Variants in GPHN observed in about 807,000 individuals in gnomAD.
The protein encoded by GPHN is gephyrin.
A neutral mutation model predicts 95.5 loss-of-function variants in GPHN; 17 were observed. The ratio of observed to expected loss-of-function variants is 0.18; its 90% CI spans 0.12 to 0.27. GPHN has a LOEUF of 0.27. Among genes scored for constraint, GPHN ranks in the 10% least tolerant of loss-of-function variants. The pLI is 1.00. For missense variants in GPHN, 660 were observed against 978.1 expected, an observed-to-expected ratio of 0.67 and a Z score of 4.34; for synonymous variants, 320 against 322.5, an observed-to-expected ratio of 0.99 and a Z score of 0.08.
chr14:67,352,010 C>G, the GPHN span, among the ~76,000 whole-genome samples: 1 of 151,334 alleles, frequency 6.6e-6, no homozygotes, highest in African/African-American at 2.4e-5. Flanking sequence ...CAGGGCCAGG[C>G]ACAGTGGCTA....
the GPHN span, among the ~76,000 whole-genome samples, chr14:67,196,426 A>C: frequency 6.6e-6 from 1 of 151,354 alleles, no homozygotes; most frequent in Non-Finnish European, 1.5e-5. Context: ...GACGTTGGCC[A>C]GGCCAGGCTG....
At chr14:67,336,052 C>T in the GPHN span, 1 of 152,224 alleles carries the variant, frequency 6.6e-6, no homozygotes, top group African/African-American at 2.4e-5. Context: ...TAAAGATGGA[C>T]AACGCAAGGC....
chr14:67,252,972 A>G, the GPHN span, among the ~76,000 whole-genome samples: 2 of 152,208 alleles, frequency 1.3e-5, no homozygotes, highest in African/African-American at 4.8e-5. Flanking sequence ...CAAAGACATA[A>G]CCATAAATGT....
Position 66,925,716 on chromosome 14 carries a change from G to T in GPHN, c.828+1424G>T, listed in dbSNP as rs551119788. 2.0e-3 allele frequency among the ~76,000 whole-genome samples: 306 copies of T among 152,272 alleles called. 2 individuals are homozygous for T. The highest frequency in any genetic ancestry group is 7.1e-3 in the African/African-American group (297 of 41,574). ...TGATAATGCTGCAATACACATGGAA[G>T]TGCAGATATCTCTTCAATATACTGA... On this transcript the variant is annotated intron_variant, in intron 8 of 22. Coordinates refer to ENST00000478722, the MANE Select transcript of GPHN (RefSeq NM_020806.5).
At position 66,729,697 on chromosome 14, in the gene GPHN, A is replaced by G. The variant is rs116518639; in HGVS notation, c.144-46767A>G. Among the ~76,000 whole-genome samples, 1,117 of 152,312 alleles carry G rather than the reference A, an allele frequency of 7.3e-3. 7 individuals are homozygous for G. Among genetic ancestry groups the G allele is most frequent in the African/African-American group, 0.026 (1,067 of 41,564 alleles). On this transcript the variant is annotated intron_variant, in intron 2 of 22. Transcript: ENST00000478722. ...ATATTAACTTGATATGAAAATCTGAATGTGGTTTAATATGATTCAATTTGC... is the reference window on the plus strand; with the variant it reads ...ATATTAACTTGATATGAAAATCTGAGTGTGGTTTAATATGATTCAATTTGC...
intron 5 of GPHN, among the ~76,000 whole-genome samples, chr14:66,894,778 C>A (rs1392056887): frequency 6.6e-6 from 1 of 152,164 alleles, no homozygotes; most frequent in African/African-American, 2.4e-5. Context: ...CACTGGCCAT[C>A]AGAGAAATGC....
At chr14:67,517,682 A>AGGG in the GPHN span, among the ~76,000 whole-genome samples, 1 of 152,160 alleles carries the variant, frequency 6.6e-6, no homozygotes, top group East Asian at 1.9e-4. Context: ...TCCTTACATT[A>AGGG]GGGATCATTT....
At chr14:67,633,814 TCTC>T in the GPHN span, among the ~76,000 whole-genome samples, 146 of 152,234 alleles carry the variant, frequency 9.6e-4, no homozygotes, top group Non-Finnish European at 1.5e-3. Flanking sequence ...GAAGGCATTC[TCTC>T]CTCCTCAGTA....
chr14:66,684,940 C>CT (rs2067243317), intron 2 of GPHN, among the ~76,000 whole-genome samples: 1 of 152,132 alleles, frequency 6.6e-6, no homozygotes, highest in African/African-American at 2.4e-5. Flanking sequence ...GTGATGTTCC[C>CT]TTCCTGTGTC....
At chr14:67,196,410 T>A in the GPHN span, among the ~76,000 whole-genome samples, 2 of 151,972 alleles carry the variant, frequency 1.3e-5, no homozygotes, top group Admixed American at 1.3e-4. Context: ...AGAGACAGGA[T>A]TTCACGACGT....
chr14:66,933,791 A>G (rs1018754294), intron 8 of GPHN, among the ~76,000 whole-genome samples: 2 of 152,150 alleles, frequency 1.3e-5, no homozygotes, highest in South Asian at 4.1e-4. Flanking sequence ...ACCAAACACT[A>G]TCCTCACTGC....
At chr14:66,825,807 T>C (rs761876167) in intron 4 of GPHN, among the ~76,000 whole-genome samples, 20 of 152,210 alleles carry the variant, frequency 1.3e-4, no homozygotes, top group Admixed American at 3.3e-4. Context: ...CTGCATAAAG[T>C]CATCCTTACA....
At chr14:67,586,993 A>G in the GPHN span, 27 of 1,527,774 alleles carry the variant, frequency 1.8e-5, no homozygotes, top group Non-Finnish European at 2.2e-5. Context: ...CCAGGAACTC[A>G]GCATAAGAGC....
At chr14:66,837,477 G>A (rs1276095278) in intron 4 of GPHN, among the ~76,000 whole-genome samples, 2 of 147,846 alleles carry the variant, frequency 1.4e-5, no homozygotes, top group African/African-American at 2.5e-5. Context: ...ATAGCATTGG[G>A]AGATATACCT....
the GPHN span, among the ~76,000 whole-genome samples, chr14:67,400,127 G>A: frequency 2.6e-5 from 4 of 152,172 alleles, no homozygotes; most frequent in African/African-American, 9.7e-5. Context: ...AGAAGGAATC[G>A]TCTGCACCAA....
At chr14:67,444,980 C>T in the GPHN span, among the ~76,000 whole-genome samples, 2 of 152,230 alleles carry the variant, frequency 1.3e-5, no homozygotes, top group African/African-American at 2.4e-5. Context: ...AAGTTTCTCT[C>T]GAACTCCTGA....
chr14:66,575,155 A>G (rs1347097621), intron 1 of GPHN, among the ~76,000 whole-genome samples: 1 of 152,148 alleles, frequency 6.6e-6, no homozygotes, highest in Non-Finnish European at 1.5e-5. Context: ...GTCTGAGAAG[A>G]TCTTTATCTC....
rs1428046606 is a variant in GPHN, at chr14:66,965,239, A to G, written c.877A>G (p.Thr293Ala). The change falls in exon 9 of 23, where the codon ACA becomes GCA. Residue 293 changes from threonine (T) to alanine (A), a missense_variant. Physicochemically the swap from Thr to Ala is moderately conservative, Grantham distance 58. Coordinates refer to ENST00000478722, the MANE Select transcript of GPHN (RefSeq NM_020806.5). ...TGGTGTTCAGGTGCTCCCACGAGAC[A>G]CAGCCTCCCTCAGCACTACTCCTTC... ...SRGVQVLPRD[T>A]ASLSTTPSES... The G allele has an allele frequency of 1.2e-6, 2 of 1,611,768 alleles. No homozygotes were observed. The highest frequency in any genetic ancestry group is 1.3e-5 in the African/African-American group (1 of 74,874).
the GPHN span, among the ~76,000 whole-genome samples, chr14:67,614,352 T>C: frequency 6.6e-6 from 1 of 152,260 alleles, no homozygotes; most frequent in Non-Finnish European, 1.5e-5. Flanking sequence ...ATTTGTAGTT[T>C]ACCCTTCTCT....
Sources: allele counts gnomAD v4.1 joint callset (sites outside exome capture counted in the v4.1 genomes callset), GRCh38; gene constraint gnomAD v4.1.1; transcripts MANE v1.5; gene names NCBI Gene and HGNC (gene_info 2026-07-23, HGNC 2026-07-21).